JAGN1: variants seen among roughly 807,000 people sequenced by gnomAD.
JAGN1 encodes the protein protein jagunal homolog 1.
Under a neutral mutation model 17.1 loss-of-function variants are expected in JAGN1, and 13 were observed. The observed-to-expected ratio is 0.76, with a 90% CI of 0.49 to 1.21. The LOEUF (loss-of-function observed/expected upper bound fraction) is 1.21. Among genes scored for constraint, JAGN1 ranks in the 50% most tolerant of loss-of-function variants. The pLI is 0.00. For missense variants in JAGN1, 256 were observed against 234.2 expected, an observed-to-expected ratio of 1.09 and a Z score of -0.61; for synonymous variants, 111 against 91.0, an observed-to-expected ratio of 1.22 and a Z score of -1.25.
intron 1 of JAGN1, among the ~76,000 whole-genome samples, chr3:9,892,140 C>G (rs368248966): frequency 6.2e-4 from 95 of 152,154 alleles, no homozygotes; most frequent in African/African-American, 2.2e-3. Flanking sequence ...CTCAGCCTCC[C>G]GAGTAGCTGG....
chr3:9,893,186 G>T lies in JAGN1; in HGVS notation c.361G>T (p.Glu121Ter). 1 of 1,614,224 alleles carries T rather than the reference G, an allele frequency of 6.2e-7. No homozygotes were observed. Among genetic ancestry groups the T allele is most frequent in the Non-Finnish European group, 8.5e-7 (1 of 1,180,028 alleles). Residue 121 changes from glutamate to a stop codon, truncating the protein, a stop_gained, in exon 2 of 2, where the codon GAG becomes TAG. Coordinates refer to ENST00000647897, the MANE Select transcript of JAGN1 (RefSeq NM_032492.4). LOFTEE classifies it high-confidence loss of function. The stretch of plus-strand genomic sequence containing the variant: ...CGCTCCACTCATTTATGGCAGCATG[G>T]AGATGTTCCCTGCTGCACAGCAGCT... ...SIAPLIYGSM[E>*]MFPAAQQLYR...
Position 9,892,915 on chromosome 3 carries a change from T to G in JAGN1, c.90T>G (p.Ser30Arg), listed in dbSNP as rs201225696. 6.2e-7 allele frequency: 1 copy of G among 1,604,406 alleles called. No individual in the cohort carries two copies. Among genetic ancestry groups the G allele is most frequent in the East Asian group, 2.2e-5 (1 of 44,750 alleles). ...RERVAMHYQM[S>R]VTLKYEIKKL... Reference sequence around the variant, plus strand: ...CTTCTCCCTCTGCTCTGCCCCACAGTGTGACTCTCAAGTATGAAATCAAGA... The same window carrying G: ...CTTCTCCCTCTGCTCTGCCCCACAGGGTGACTCTCAAGTATGAAATCAAGA... The change falls in exon 2 of 2, where the codon AGT becomes AGG. Residue 30 changes from serine (S) to arginine (R), a missense_variant and splice_region_variant. Ser to Arg is a moderately radical substitution (Grantham distance 110). Transcript: ENST00000647897.
rs542718814 is a variant in JAGN1 at position 9,890,617 on chromosome 3, C to A, written c.-106C>A. On this transcript the variant is annotated 5_prime_UTR_variant, in exon 1 of 2. Coordinates refer to ENST00000647897, the MANE Select transcript of JAGN1 (RefSeq NM_032492.4). The stretch of plus-strand genomic sequence containing the variant: ...ACAGAGGGGCCGGAAGTTCTCTTCA[C>A]GGAGCCGCGCGGCTGCGGGGGCGCA... The A allele has an allele frequency of 2.5e-4, 262 of 1,065,628 alleles. No individual in the cohort carries two copies. The African/African-American group carries it at 3.7e-3, about 15-fold the overall frequency. The allele number at this position is 1,065,628 out of a possible 1,614,324, so 66.0% of individuals were successfully genotyped here.
rs776106359 is a variant in JAGN1 at position 9,893,220 on chromosome 3, A to T, written c.395A>T (p.His132Leu). Residue 132 changes from histidine to leucine, a missense_variant, in exon 2 of 2, where the codon CAT becomes CTT. Physicochemically the swap from His to Leu is moderately conservative, Grantham distance 99. Transcript: ENST00000647897. ...CCTGCTGCACAGCAGCTCTACCGCC[A>T]TGGCAAGGCCTACCGTTTCCTCTTT... ...MFPAAQQLYRHGKAYRFLFGF... is the reference protein window; with the variant it reads ...MFPAAQQLYRLGKAYRFLFGF... The T allele has an allele frequency of 6.2e-7, 1 of 1,614,186 alleles. No homozygotes were observed. The highest frequency in any genetic ancestry group is 8.5e-7 in the Non-Finnish European group (1 of 1,180,026).
In JAGN1 at chr3:9,890,970, A is replaced by G. The variant is rs150959750; in HGVS notation, c.89+159A>G. ...CGTGACGGCTTCGGGCCTGTCCCCC[A>G]TCCTGGAAAGCCCCGTGGCCCCCGC... On this transcript the variant is annotated intron_variant, in intron 1 of 1. Coordinates refer to ENST00000647897, the MANE Select transcript of JAGN1 (RefSeq NM_032492.4). 6.9e-3 allele frequency among the ~76,000 whole-genome samples: 1,040 copies of G among 151,590 alleles called. 6 individuals carry two copies. The highest frequency in any genetic ancestry group is 0.017 in the Middle Eastern group (5 of 294).
At chr3:9,891,364 C>T (rs1318520019) in intron 1 of JAGN1, among the ~76,000 whole-genome samples, 1 of 152,128 alleles carries the variant, frequency 6.6e-6, no homozygotes, top group Admixed American at 6.6e-5. Flanking sequence ...TTTCTACATT[C>T]AATTACTAGT....
Position 9,890,769 on chromosome 3 carries a change from A to G in JAGN1, c.47A>G (p.Asp16Gly). ...CGAGCGGCCGGCACCGACGGCAGCG[A>G]CTTTCAGCACCGGGAGCGCGTCGCC... ...GPRAAGTDGS[D>G]FQHRERVAMH... The change falls in exon 1 of 2, where the codon GAC becomes GGC. Residue 16 changes from aspartate (D) to glycine (G), a missense_variant. Transcript: ENST00000647897. The G allele has an allele frequency of 6.2e-7, 1 of 1,610,356 alleles. No individual in the cohort carries two copies. The highest frequency in any genetic ancestry group is 8.5e-7 in the Non-Finnish European group (1 of 1,178,940).
rs184001286 is a variant in JAGN1 at position 9,890,623 on chromosome 3, C to A, written c.-100C>A. On this transcript the variant is annotated 5_prime_UTR_variant, in exon 1 of 2. Transcript: ENST00000647897. ...GGGCCGGAAGTTCTCTTCACGGAGCCGCGCGGCTGCGGGGGCGCAAATAGG... is the reference window on the plus strand; with the variant it reads ...GGGCCGGAAGTTCTCTTCACGGAGCAGCGCGGCTGCGGGGGCGCAAATAGG... 247 of 1,125,342 alleles carry A rather than the reference C, an allele frequency of 2.2e-4. No individual in the cohort carries two copies. In the African/African-American group the frequency reaches 3.5e-3, roughly 16 times the overall value. The allele number at this position is 1,125,342 out of a possible 1,614,324, so 69.7% of individuals were successfully genotyped here.
rs1171802082 is a variant in JAGN1 at position 9,890,738 on chromosome 3, G to A, written c.16G>A (p.Gly6Ser). The A allele has an allele frequency of 5.0e-6, 8 of 1,609,246 alleles. No individual in the cohort carries two copies. The South Asian group carries it at 8.9e-5, about 18-fold the overall frequency. ...GGCAGGCACAATGGCGTCTCGAGCA[G>A]GCCCGCGAGCGGCCGGCACCGACGG... The part of the protein sequence containing the change: MASRA[G>S]PRAAGTDGSD... Residue 6 changes from glycine (G) to serine (S), a missense_variant, in exon 1 of 2, where the codon GGC becomes AGC. Transcript: ENST00000647897.
chr3:9,891,747 T>A (rs1478155419), intron 1 of JAGN1, among the ~76,000 whole-genome samples: 1 of 152,170 alleles, frequency 6.6e-6, no homozygotes, highest in Non-Finnish European at 1.5e-5. Context: ...CCTCACAACT[T>A]AAGCAGGTGT....
Position 9,893,410 on chromosome 3 carries a change from C to A in JAGN1, c.*33C>A. 1.3e-6 allele frequency: 2 copies of A among 1,500,370 alleles called. No individual in the cohort carries two copies. The highest frequency in any genetic ancestry group is 2.1e-5 in the Admixed American group (1 of 48,554). 92.9% of individuals were successfully genotyped at this position (1,500,370 alleles called of 1,614,324 possible). On this transcript the variant is annotated 3_prime_UTR_variant, in exon 2 of 2. Coordinates refer to ENST00000647897, the MANE Select transcript of JAGN1 (RefSeq NM_032492.4). The stretch of plus-strand genomic sequence containing the variant: ...TTGGGGTGAAGCCTGGACATCCCAT[C>A]GAATGAAAGGACACTAGTACAGCGG...
Position 9,890,719 on chromosome 3 carries a change from C to A in JAGN1, c.-4C>A. Reference sequence around the variant, plus strand: ...GAGGGGTTCGGGGGTTCTGGGCAGGCACAATGGCGTCTCGAGCAGGCCCGC... The same window carrying A: ...GAGGGGTTCGGGGGTTCTGGGCAGGAACAATGGCGTCTCGAGCAGGCCCGC... On this transcript the variant is annotated 5_prime_UTR_variant, in exon 1 of 2. Coordinates refer to ENST00000647897, the MANE Select transcript of JAGN1 (RefSeq NM_032492.4). 2 of 1,606,532 alleles carry A rather than the reference C, an allele frequency of 1.2e-6. No individual in the cohort carries two copies. Among genetic ancestry groups the A allele is most frequent in the Non-Finnish European group, 8.5e-7 (1 of 1,177,570 alleles).
chr3:9,891,104 C>T (rs1442278730), intron 1 of JAGN1, among the ~76,000 whole-genome samples: 1 of 152,242 alleles, frequency 6.6e-6, no homozygotes, highest in Non-Finnish European at 1.5e-5. Flanking sequence ...GCTGTATCAC[C>T]TTCGAAACCG....
rs762886186 is a variant in JAGN1, at chr3:9,893,162, G to A, written c.337G>A (p.Ala113Thr). 9 of 1,614,098 alleles carry A rather than the reference G, an allele frequency of 5.6e-6. No homozygotes were observed. In the East Asian group the frequency reaches 1.3e-4, roughly 24 times the overall value. ...SMISMGLFSI[A>T]PLIYGSMEMF... Reference sequence around the variant, plus strand: ...GATCAGCATGGGACTCTTTTCCATCGCTCCACTCATTTATGGCAGCATGGA... The same window carrying A: ...GATCAGCATGGGACTCTTTTCCATCACTCCACTCATTTATGGCAGCATGGA... The change falls in exon 2 of 2, where the codon GCT (alanine) becomes ACT (threonine). Residue 113 changes from alanine (A) to threonine (T), a missense_variant. Transcript: ENST00000647897.
rs2082577073 is a variant in JAGN1, at chr3:9,893,467, TGTG to T, written c.*91_*93del. On this transcript the variant is annotated 3_prime_UTR_variant, in exon 2 of 2. Coordinates refer to ENST00000647897, the MANE Select transcript of JAGN1 (RefSeq NM_032492.4). ...AATCCCTTCTGGTGATTTTAGCAGC[TGTG>T]ATGTTGGTACCTGGTGCAGACCAGG... The T allele has an allele frequency of 3.1e-5, 34 of 1,095,808 alleles. No homozygotes were observed. Among genetic ancestry groups the T allele is most frequent in the Non-Finnish European group, 4.3e-5 (34 of 781,912 alleles). 67.9% of individuals were successfully genotyped at this position (1,095,808 alleles called of 1,614,324 possible).
Position 9,893,623 on chromosome 3 carries a change from G to C in JAGN1, c.*246G>C. 1 of 494,208 alleles carries C rather than the reference G, an allele frequency of 2.0e-6. No homozygotes were observed. Among genetic ancestry groups the C allele is most frequent in the Non-Finnish European group, 3.6e-6 (1 of 279,540 alleles). 30.6% of individuals were successfully genotyped at this position (494,208 alleles called of 1,614,324 possible). The stretch of plus-strand genomic sequence containing the variant: ...TCAGCTGTTTGAAGTTGAACTTTGA[G>C]GTTTTTCTTTAAGAATGAGCTTCGT... On this transcript the variant is annotated 3_prime_UTR_variant, in exon 2 of 2. Transcript: ENST00000647897.
rs1441513871 is a variant in JAGN1, at chr3:9,891,359, A to G, written c.89+548A>G. Among the ~76,000 whole-genome samples, 4 of 152,216 alleles carry G rather than the reference A, an allele frequency of 2.6e-5. No homozygotes were observed. The East Asian group carries it at 5.8e-4, about 22-fold the overall frequency. Reference sequence around the variant, plus strand: ...ACACTCCCACGTAAGGGGTATTTCTACATTCAATTACTAGTTCGACAAATA... The same window carrying G: ...ACACTCCCACGTAAGGGGTATTTCTGCATTCAATTACTAGTTCGACAAATA... On this transcript the variant is annotated intron_variant, in intron 1 of 1. Coordinates refer to ENST00000647897, the MANE Select transcript of JAGN1 (RefSeq NM_032492.4).
chr3:9,890,849 C>T (rs892152808), intron 1 of JAGN1, 38 bp downstream of exon 1: 1 of 1,521,230 alleles, frequency 6.6e-7, no homozygotes, highest in African/African-American at 1.4e-5. Context: ...GCTTTCTCCC[C>T]CGCTGGAGCC....
In JAGN1 at chr3:9,894,282, G is replaced by T. The variant is rs550220461; in HGVS notation, c.*905G>T. 6.6e-6 allele frequency: 1 copy of T among 152,262 alleles called. No individual in the cohort carries two copies. Among genetic ancestry groups the T allele is most frequent in the African/African-American group, 2.4e-5 (1 of 41,558 alleles). The allele number at this position is 152,262 out of a possible 1,614,324, so 9.4% of individuals were successfully genotyped here. A position where few individuals can be genotyped will look rare whatever the true frequency, so the allele number is the denominator to read the frequency against. On this transcript the variant is annotated 3_prime_UTR_variant, in exon 2 of 2. Coordinates refer to ENST00000647897, the MANE Select transcript of JAGN1 (RefSeq NM_032492.4). ...AGTGAACATAATATCTAATGATGTG[G>T]AGCAAGTACATTAAAAACAGGAAGG...
Sources: gnomAD v4.1 joint callset for allele counts (sites outside exome capture counted in the v4.1 genomes callset) on GRCh38, gnomAD v4.1.1 for gene constraint, MANE v1.5 for transcripts, NCBI Gene and HGNC (gene_info 2026-07-23, HGNC 2026-07-21) for gene names.